The following TGM7 variants were observed in gnomAD, a reference collection of about 807,000 sequenced individuals.
TGM7 encodes protein-glutamine gamma-glutamyltransferase Z.
In TGM7, 74 loss-of-function variants were observed where a neutral mutation model predicts 79.5. That is an observed-to-expected ratio of 0.93 (90% CI 0.77 to 1.13). The LOEUF is 1.13. Among genes scored for constraint, TGM7 ranks in the 50% most tolerant of loss-of-function variants. The pLI, the probability that TGM7 is intolerant of heterozygous loss-of-function variation, is 0.00. For synonymous variants in TGM7, 354 were observed against 362.5 expected (o/e 0.98, Z 0.27); for missense variants, 912 against 905.9 (o/e 1.01, Z -0.09).
chr15:43,283,424 C>A (rs1255727966), intron 7 of TGM7, among the ~76,000 whole-genome samples: 2 of 152,094 alleles, frequency 1.3e-5, no homozygotes, highest in Admixed American at 6.6e-5. Context: ...GTTCCTTCGC[C>A]TTTCTTTCTT....
chr15:43,279,417 C>T (rs2042894829), intron 10 of TGM7, 140 bp from the exon 11 acceptor site: 8 of 1,142,474 alleles, frequency 7.0e-6, no homozygotes, highest in Non-Finnish European at 9.9e-6. Context: ...AGCGTCCCAC[C>T]ACGCACACAC....
chr15:43,285,641 A>G (rs901272226), intron 6 of TGM7, among the ~76,000 whole-genome samples: 4 of 152,090 alleles, frequency 2.6e-5, no homozygotes, highest in Non-Finnish European at 5.9e-5. Context: ...AAATTCGAGG[A>G]TGGATAGAGG....
intron 1 of TGM7, among the ~76,000 whole-genome samples, chr15:43,294,209 G>T (rs1026027408): frequency 9.9e-5 from 15 of 152,194 alleles, no homozygotes; most frequent in Admixed American, 3.9e-4. Flanking sequence ...GCAAGTCCCT[G>T]CTTTGGAATT....
rs1183181269 is a variant in TGM7, at chr15:43,293,463, A to T, written c.179T>A (p.Phe60Tyr). The change falls in exon 2 of 13, where the codon TTT (phenylalanine) becomes TAT (tyrosine). Residue 60 changes from phenylalanine (F) to tyrosine (Y), a missense_variant. Transcript: ENST00000452443. ...GGCAAACTCACCGGTCTCAGCCACA[A>T]AGGTGATGTGGTCGTTCTGGGACTG... ...PFQSQNDHITFVAETGPKPSE... is the reference protein window; with the variant it reads ...PFQSQNDHITYVAETGPKPSE... 1 of 1,605,002 alleles carries T rather than the reference A, an allele frequency of 6.2e-7. No individual in the cohort carries two copies. Among genetic ancestry groups the T allele is most frequent in the Non-Finnish European group, 8.5e-7 (1 of 1,174,476 alleles).
In TGM7 at chr15:43,276,451, G is replaced by C; in HGVS notation, c.*4C>G. ...TGCCAGGGAGGGCAGCTGGAGGGCG[G>C]GTCTCAGGGAGCCCCAGCCACAGTG... On this transcript the variant is annotated 3_prime_UTR_variant, in exon 13 of 13. Coordinates refer to ENST00000452443, the MANE Select transcript of TGM7 (RefSeq NM_052955.3). The C allele has an allele frequency of 1.9e-6, 3 of 1,610,422 alleles. No homozygotes were observed. Among genetic ancestry groups the C allele is most frequent in the Non-Finnish European group, 2.5e-6 (3 of 1,178,088 alleles).
intron 4 of TGM7, among the ~76,000 whole-genome samples, chr15:43,290,056 C>T (rs1285772808): frequency 6.6e-6 from 1 of 152,138 alleles, no homozygotes; most frequent in African/African-American, 2.4e-5. Flanking sequence ...TGTGCAGAAG[C>T]TCTTTAGTTT....
chr15:43,297,298 C>G (rs1202793011), intron 1 of TGM7, among the ~76,000 whole-genome samples: 2 of 151,750 alleles, frequency 1.3e-5, no homozygotes, highest in Non-Finnish European at 2.9e-5. Flanking sequence ...ACTAAAAATA[C>G]AAAAATTAGC....
At chr15:43,282,387 T>C in intron 8 of TGM7, 130 bp downstream of exon 8, 1 of 850,288 alleles carries the variant, frequency 1.2e-6, no homozygotes. Context: ...TCTGAAGCTG[T>C]GTCAGCTGGG....
intron 6 of TGM7, among the ~76,000 whole-genome samples, chr15:43,286,956 C>G (rs962687687): frequency 5.9e-5 from 9 of 152,206 alleles, no homozygotes; most frequent in African/African-American, 2.2e-4. Context: ...GCCAGGCTCA[C>G]CCTGAGCTGA....
chr15:43,297,116 G>T (rs1197869618), intron 1 of TGM7, among the ~76,000 whole-genome samples: 1 of 152,142 alleles, frequency 6.6e-6, no homozygotes, highest in Non-Finnish European at 1.5e-5. Context: ...AAAGACAAGG[G>T]TATAAAAGGA....
At position 43,276,609 on chromosome 15, in the gene TGM7, C is replaced by T. The variant is rs556445877; in HGVS notation, c.1979G>A (p.Gly660Glu). ...LINGQIAKDL[G>E]TLVAGHTLQI... ...GAGGGTGTGTCCGGCCACCAGAGTC[C>T]CAAGGCTGAAAGTCAGAAACAGCCT... The change falls in exon 13 of 13, where the codon GGG (glycine) becomes GAG (glutamate). Residue 660 changes from glycine (G) to glutamate (E), a missense_variant. By Grantham distance (98) the Gly-to-Glu change is moderately conservative. Transcript: ENST00000452443. The T allele has an allele frequency of 1.9e-6, 3 of 1,612,726 alleles. No homozygotes were observed. The highest frequency in any genetic ancestry group is 2.2e-5 in the East Asian group (1 of 44,862).
chr15:43,284,815 A>G lies in TGM7; in HGVS notation c.1003T>C (p.Trp335Arg). ...MLSTQKRDKI[W>R]NFHVWNECWM... is the part of the protein sequence containing the mutation. ...TCTGTTCAAGACAGTGCCTCTCACCATATTTTGTCTCGTTTCTGAGTTGAC... is the reference window on the plus strand; with the variant it reads ...TCTGTTCAAGACAGTGCCTCTCACCGTATTTTGTCTCGTTTCTGAGTTGAC... Residue 335 changes from tryptophan to arginine, a missense_variant and splice_region_variant, in exon 7 of 13, where the codon TGG (tryptophan) becomes CGG (arginine). Transcript: ENST00000452443. 1.2e-6 allele frequency: 2 copies of G among 1,614,148 alleles called. No individual in the cohort carries two copies. The highest frequency in any genetic ancestry group is 1.7e-6 in the Non-Finnish European group (2 of 1,180,006).
chr15:43,288,015 C>G (rs987412624), intron 4 of TGM7, among the ~76,000 whole-genome samples: 2 of 151,978 alleles, frequency 1.3e-5, no homozygotes, highest in African/African-American at 4.8e-5. Flanking sequence ...GGCATATTTA[C>G]CTGAGGTCTT....
chr15:43,287,207 C>T, intron 6 of TGM7, 73 bp downstream of exon 6: 2 of 1,519,350 alleles, frequency 1.3e-6, no homozygotes, highest in South Asian at 1.3e-5. Flanking sequence ...AGCTACTGAA[C>T]CTTTATGAGC....
In TGM7 at chr15:43,302,233, G is replaced by A; in HGVS notation, c.10+8C>T. On this transcript the variant is annotated splice_region_variant and intron_variant, in intron 1 of 12. Transcript: ENST00000452443. ...CTCCGAAAAGGTAAGTCGATTCCCAGTACTCACCCTGATCCATCTCCCTCC... is the reference window on the plus strand; with the variant it reads ...CTCCGAAAAGGTAAGTCGATTCCCAATACTCACCCTGATCCATCTCCCTCC... 1 of 1,614,106 alleles carries A rather than the reference G, an allele frequency of 6.2e-7. No individual in the cohort carries two copies. Among genetic ancestry groups the A allele is most frequent in the Non-Finnish European group, 8.5e-7 (1 of 1,180,034 alleles).
chr15:43,281,345 C>T (rs1244263643), intron 9 of TGM7, among the ~76,000 whole-genome samples: 1 of 152,242 alleles, frequency 6.6e-6, no homozygotes, highest in Non-Finnish European at 1.5e-5. Flanking sequence ...CCCAGGGGCC[C>T]ATCCCCCTGA....
Position 43,281,896 on chromosome 15 carries a change from C to T in TGM7, c.1299G>A (p.Met433Ile). 6.2e-7 allele frequency: 1 copy of T among 1,614,204 alleles called. No homozygotes were observed. Among genetic ancestry groups the T allele is most frequent in the South Asian group, 1.1e-5 (1 of 91,088 alleles). Residue 433 changes from methionine (M) to isoleucine (I), a missense_variant, in exon 9 of 13, where the codon ATG becomes ATA. Physicochemically the swap from Met to Ile is conservative, Grantham distance 10. Coordinates refer to ENST00000452443, the MANE Select transcript of TGM7 (RefSeq NM_052955.3). ...TGCTCTGGCGCTGGTCTGACCCCAC[C>T]ATCTTAGTGCTGATCTCCTTCCCGA... ...SSIGKEISTK[M>I]VGSDQRQSIT...
At chr15:43,277,463 C>G (rs935283338) in intron 11 of TGM7, among the ~76,000 whole-genome samples, 3 of 152,220 alleles carry the variant, frequency 2.0e-5, no homozygotes, top group Non-Finnish European at 4.4e-5. Flanking sequence ...ACCGAGGAAA[C>G]AGTGAGGCCA....
Position 43,292,835 on chromosome 15 carries a change from G to C in TGM7, c.313C>G (p.Leu105Val). ...TIDSNSLQVSLFTPANAVIGH... is the reference protein window; with the variant it reads ...TIDSNSLQVSVFTPANAVIGH... Reference sequence around the variant, plus strand: ...ATAACTGCATTGGCTGGTGTGAAAAGGGAAACTTGGAGAGAGTTGGAGTCA... The same window carrying C: ...ATAACTGCATTGGCTGGTGTGAAAACGGAAACTTGGAGAGAGTTGGAGTCA... Residue 105 changes from leucine (L) to valine (V), a missense_variant, in exon 3 of 13, where the codon CTT becomes GTT. By Grantham distance (32) the Leu-to-Val change is conservative (BLOSUM62 1). Coordinates refer to ENST00000452443, the MANE Select transcript of TGM7 (RefSeq NM_052955.3). The C allele has an allele frequency of 6.2e-7, 1 of 1,614,138 alleles. No homozygotes were observed. Among genetic ancestry groups the C allele is most frequent in the South Asian group, 1.1e-5 (1 of 91,082 alleles).
Sources: gnomAD v4.1 joint callset for allele counts (sites outside exome capture counted in the v4.1 genomes callset) on GRCh38, gnomAD v4.1.1 for gene constraint, MANE v1.5 for transcripts, NCBI Gene and HGNC (gene_info 2026-07-23, HGNC 2026-07-21) for gene names.